The following ERI3 variants were observed in gnomAD, a reference collection of about 807,000 sequenced individuals.
ERI3 encodes ERI1 exoribonuclease family member 3, also known as ERI1 exoribonuclease 3.
A neutral mutation model predicts 44.4 loss-of-function variants in ERI3; 18 were observed. That is an observed-to-expected ratio of 0.41 (90% CI 0.28 to 0.60). The LOEUF is 0.60. Ranked by LOEUF, ERI3 falls within the 20% of genes least tolerant of loss-of-function variation. The probability of loss-of-function intolerance (pLI) is 0.36; values close to 1 mark genes in which losing one functional copy is unlikely to be tolerated. For missense variants in ERI3, 294 were observed against 435.5 expected, an observed-to-expected ratio of 0.68 and a Z score of 2.89; for synonymous variants, 183 against 164.8, an observed-to-expected ratio of 1.11 and a Z score of -0.84.
Position 44,284,924 on chromosome 1 carries a change from A to C in ERI3, c.759-17T>G, listed in dbSNP as rs748226883. ...CCTGGGAGCCTACAAAAAAAAGGGA[A>C]GAGAGAACAAGTTGGGCGCATCCAT... On this transcript the variant is annotated splice_polypyrimidine_tract_variant and intron_variant, in intron 6 of 8. Transcript: ENST00000372257. 1 of 1,611,852 alleles carries C rather than the reference A, an allele frequency of 6.2e-7. No individual in the cohort carries two copies. The highest frequency in any genetic ancestry group is 1.1e-5 in the South Asian group (1 of 91,012).
intron 7 of ERI3, among the ~76,000 whole-genome samples, chr1:44,274,964 T>A (rs1645153494): frequency 6.6e-6 from 1 of 152,118 alleles, no homozygotes; most frequent in African/African-American, 2.4e-5. Context: ...AGCCCACAAC[T>A]GCCCACTGCC....
At chr1:44,348,189 C>A (rs937900436) in intron 2 of ERI3, among the ~76,000 whole-genome samples, 1 of 152,098 alleles carries the variant, frequency 6.6e-6, no homozygotes, top group African/African-American at 2.4e-5. Context: ...CCTAGCCCAC[C>A]CCATTCTGTC....
chr1:44,285,942 T>A (rs994912752), intron 6 of ERI3, among the ~76,000 whole-genome samples: 1 of 152,058 alleles, frequency 6.6e-6, no homozygotes, highest in Middle Eastern at 3.2e-3. Context: ...GCAAAAATAA[T>A]AGACTAAAAG....
At chr1:44,338,385 T>G (rs184506432) in intron 3 of ERI3, among the ~76,000 whole-genome samples, 4 of 152,300 alleles carry the variant, frequency 2.6e-5, no homozygotes, top group Non-Finnish European at 5.9e-5. Context: ...GGCTGGTAGA[T>G]TCACTTCTAA....
Position 44,342,812 on chromosome 1 carries a change from AATATATATATATATAT to A in ERI3, c.212-3506_212-3491del, listed in dbSNP as rs59012227. ...CAGGCATGTGCCACCACATCCAGCT[AATATATATATATATAT>A]ATATATATATATATATATATATATA... On this transcript the variant is annotated intron_variant, in intron 2 of 8. Transcript: ENST00000372257. 7.7e-3 allele frequency among the ~76,000 whole-genome samples: 238 copies of A among 30,882 alleles called. 14 individuals are homozygous for A. Among genetic ancestry groups the A allele is most frequent in the African/African-American group, 0.014 (122 of 8,668 alleles). The allele number at this position is 30,882 out of a possible 152,430, so 20.3% of individuals were successfully genotyped here.
At chr1:44,243,595 T>A (rs1644490512) in intron 8 of ERI3, 1 of 152,168 alleles carries the variant, frequency 6.6e-6, no homozygotes, top group Non-Finnish European at 1.5e-5. Context: ...TTAGCAGAAC[T>A]TTCCTGGGCC....
intron 7 of ERI3, among the ~76,000 whole-genome samples, chr1:44,280,966 G>C (rs1645272270): frequency 6.6e-6 from 1 of 152,208 alleles, no homozygotes; most frequent in Non-Finnish European, 1.5e-5. Context: ...GGGTAGAGCA[G>C]TGAACAAAAG....
At chr1:44,296,243 T>C (rs1645608754) in intron 6 of ERI3, among the ~76,000 whole-genome samples, 1 of 152,074 alleles carries the variant, frequency 6.6e-6, no homozygotes, top group Non-Finnish European at 1.5e-5. Context: ...CTGCAGCAAT[T>C]AGAATGCAGG....
intron 2 of ERI3, among the ~76,000 whole-genome samples, chr1:44,342,830 T>A (rs189419891): frequency 6.1e-4 from 17 of 27,836 alleles, no homozygotes; most frequent in African/African-American, 1.3e-3. Context: ...TATATATATA[T>A]ATATATATAT....
chr1:44,338,622 C>A (rs1007213562), intron 3 of ERI3, among the ~76,000 whole-genome samples: 1 of 152,172 alleles, frequency 6.6e-6, no homozygotes, highest in African/African-American at 2.4e-5. Flanking sequence ...ATTAGCTATA[C>A]AGGAATATCT....
intron 7 of ERI3, among the ~76,000 whole-genome samples, chr1:44,275,803 C>G (rs1424961365): frequency 6.6e-6 from 1 of 152,166 alleles, no homozygotes; most frequent in Non-Finnish European, 1.5e-5. Flanking sequence ...TCTGCCAGGA[C>G]TGACTCAGAA....
At chr1:44,347,858 G>A (rs969108698) in intron 2 of ERI3, among the ~76,000 whole-genome samples, 1 of 150,816 alleles carries the variant, frequency 6.6e-6, no homozygotes, top group Non-Finnish European at 1.5e-5. Context: ...TAGCATTAAA[G>A]AAGAGCATGA....
chr1:44,233,496 C>A (rs910727663), intron 8 of ERI3, among the ~76,000 whole-genome samples: 1 of 151,706 alleles, frequency 6.6e-6, no homozygotes, highest in Non-Finnish European at 1.5e-5. Context: ...CTCTGCCTCC[C>A]GGGTTCAAGC....
intron 7 of ERI3, among the ~76,000 whole-genome samples, chr1:44,278,909 G>C (rs1255684160): frequency 6.6e-6 from 1 of 152,156 alleles, no homozygotes; most frequent in Non-Finnish European, 1.5e-5. Flanking sequence ...GGCCAAGAAA[G>C]TTTTTAATTT....
At chr1:44,328,356 C>CG (rs2154330093) in intron 3 of ERI3, among the ~76,000 whole-genome samples, 1 of 152,074 alleles carries the variant, frequency 6.6e-6, no homozygotes, top group African/African-American at 2.4e-5. Context: ...GTTGTCAAAC[C>CG]AGTCCCATCA....
chr1:44,300,267 G>A (rs1415497430), intron 6 of ERI3, among the ~76,000 whole-genome samples: 2 of 152,194 alleles, frequency 1.3e-5, no homozygotes, highest in East Asian at 3.8e-4. Flanking sequence ...TCACTGAGCA[G>A]AATTTCCATT....
chr1:44,314,827 C>G (rs1253253245), intron 4 of ERI3, among the ~76,000 whole-genome samples: 1 of 152,230 alleles, frequency 6.6e-6, no homozygotes, highest in Non-Finnish European at 1.5e-5. Flanking sequence ...TGTAAAAACT[C>G]TGCCCTCATG....
At chr1:44,335,485 G>C (rs996564624) in intron 3 of ERI3, among the ~76,000 whole-genome samples, 2 of 152,098 alleles carry the variant, frequency 1.3e-5, no homozygotes, top group African/African-American at 4.8e-5. Flanking sequence ...TCAGGCCGGG[G>C]GCAGTGGCTC....
At chr1:44,305,699 T>G (rs889475956) in intron 6 of ERI3, among the ~76,000 whole-genome samples, 5 of 152,066 alleles carry the variant, frequency 3.3e-5, no homozygotes, top group African/African-American at 1.2e-4. Context: ...CATTTCTCAG[T>G]GCCCCACTTA....
Sources: gnomAD v4.1 joint callset for allele counts (sites outside exome capture counted in the v4.1 genomes callset) on GRCh38, gnomAD v4.1.1 for gene constraint, MANE v1.5 for transcripts, NCBI Gene and HGNC (gene_info 2026-07-23, HGNC 2026-07-21) for gene names.